Variants in PRCD observed in about 807,000 individuals in gnomAD.
PRCD encodes photoreceptor disc component.
In PRCD, 12 loss-of-function variants were observed where a neutral mutation model predicts 10.1. That is an observed-to-expected ratio of 1.18 (90% confidence interval 0.76 to 1.92). The LOEUF (loss-of-function observed/expected upper bound fraction) is 1.92, where lower values mean the gene tolerates loss of function less well. Ranked by LOEUF, PRCD falls within the 40% of genes most tolerant of loss-of-function variation. The pLI is 0.00. For synonymous variants in PRCD, 31 were observed against 26.2 expected (o/e 1.18, Z -0.56); for missense variants, 61 against 72.2 (o/e 0.84, Z 0.56).
At position 76,545,080 on chromosome 17, in the gene PRCD, G is replaced by A. The variant is rs1567913965; in HGVS notation, c.*1430G>A. On this transcript the variant is annotated 3_prime_UTR_variant, in exon 5 of 5. Coordinates refer to ENST00000592014, the MANE Select transcript of PRCD (RefSeq NM_001077620.3). ...CGGGTGGGGGGGCTGTCTCCCCCAG[G>A]GAGCAGGCTGGCTTTGGTGGGAGCA... 2.2e-6 allele frequency: 1 copy of A among 453,386 alleles called. No homozygotes were observed. Among genetic ancestry groups the A allele is most frequent in the Non-Finnish European group, 4.4e-6 (1 of 225,126 alleles). The allele number at this position is 453,386 out of a possible 1,614,324, so 28.1% of individuals were successfully genotyped here.
At position 76,540,250 on chromosome 17, in the gene PRCD, TC is replaced by T. The variant is rs8176326; in HGVS notation, c.74+36del. The T allele has an allele frequency of 0.099, 43,778 of 443,892 alleles. 4,925 individuals are homozygous for T. The highest frequency in any genetic ancestry group is 0.25 in the African/African-American group (5,234 of 21,086). 27.5% of individuals were successfully genotyped at this position (443,892 alleles called of 1,614,324 possible). On this transcript the variant is annotated intron_variant, in intron 1 of 4. Transcript: ENST00000592014. The surrounding 1 kb of genome is among the most constrained non-coding windows in gnomAD (Gnocchi z 5.0). Reference sequence around the variant, plus strand: ...TGACCGGGCTATGGCTGGCGGTTGGTCGGGGGGGGGGGGCATGGGGCTGGGC... The same window carrying T: ...TGACCGGGCTATGGCTGGCGGTTGGTGGGGGGGGGGGGCATGGGGCTGGGC...
In PRCD at chr17:76,530,445, C is replaced by T. The variant is rs545905226; in HGVS notation, n.45+2612C>T. Reference sequence around the variant, plus strand: ...ATGCCCCTGCTCGTGTGCGTGTGAGCGACACCCATGTAGCTTCCTCGTGGG... The same window carrying T: ...ATGCCCCTGCTCGTGTGCGTGTGAGTGACACCCATGTAGCTTCCTCGTGGG... On this transcript the variant is annotated intron_variant and non_coding_transcript_variant, in intron 1 of 4. Coordinates refer to the PRCD transcript ENST00000397633. The surrounding 1 kb of genome is among the most constrained non-coding windows in gnomAD (Gnocchi z 6.1). Among the ~76,000 whole-genome samples, 36 of 152,264 alleles carry T rather than the reference C, an allele frequency of 2.4e-4. No individual in the cohort carries two copies. The highest frequency in any genetic ancestry group is 6.2e-4 in the South Asian group (3 of 4,822).
Position 76,540,371 on chromosome 17 carries a change from C to A in PRCD, c.75-134C>A. On this transcript the variant is annotated intron_variant, in intron 1 of 4. Coordinates refer to ENST00000592014, the MANE Select transcript of PRCD (RefSeq NM_001077620.3). This position sits in a 1 kb window ranked among gnomAD's most constrained non-coding sequence, Gnocchi z 5.0. ...CCCTTGAGAGAGCACAGTCTCAGAG[C>A]AGGGGGACTTAGAGCTTCAAAGGCT... The A allele has an allele frequency of 7.8e-7, 1 of 1,288,928 alleles. No individual in the cohort carries two copies. Among genetic ancestry groups the A allele is most frequent in the Non-Finnish European group, 1.1e-6 (1 of 894,002 alleles). 79.8% of individuals were successfully genotyped at this position (1,288,928 alleles called of 1,614,324 possible).
At chr17:76,547,740 TACAC>T (rs1266543067), downstream of PRCD, among the ~76,000 whole-genome samples, 3 of 135,782 alleles carry the variant, frequency 2.2e-5, no homozygotes, top group African/African-American at 5.7e-5. Context: ...CACACACACA[TACAC>T]AAACACAGTC....
chr17:76,549,229 G>C (rs916035526), downstream of PRCD, among the ~76,000 whole-genome samples: 1 of 152,178 alleles, frequency 6.6e-6, no homozygotes, highest in Middle Eastern at 3.2e-3. Flanking sequence ...AATACATAAA[G>C]AACTTTTACA....
At chr17:76,532,012 G>A (rs181325442) in intron 1 of PRCD, 8 of 246,338 alleles carry the variant, frequency 3.2e-5, no homozygotes, top group East Asian at 7.9e-5. Flanking sequence ...AGTCATAGCC[G>A]AGAGGGTAAG....
At position 76,530,856 on chromosome 17, in the gene PRCD, G is replaced by T; in HGVS notation, n.45+3023G>T. On this transcript the variant is annotated intron_variant and non_coding_transcript_variant, in intron 1 of 4. Coordinates refer to the PRCD transcript ENST00000397633. This position sits in a 1 kb window ranked among gnomAD's most constrained non-coding sequence, Gnocchi z 6.1. Reference sequence around the variant, plus strand: ...TCTTACATGTCAGACCCCAGGGTTGGCCTGCCTCAAGTGTGCCTGCCCAGG... The same window carrying T: ...TCTTACATGTCAGACCCCAGGGTTGTCCTGCCTCAAGTGTGCCTGCCCAGG... 2 of 1,129,448 alleles carry T rather than the reference G, an allele frequency of 1.8e-6. No homozygotes were observed. Among genetic ancestry groups the T allele is most frequent in the Non-Finnish European group, 2.5e-6 (2 of 813,998 alleles). The allele number at this position is 1,129,448 out of a possible 1,614,324, so 70.0% of individuals were successfully genotyped here.
At chr17:76,551,218 G>A (rs1177834646) in intron 1 of PRCD, 1 of 152,190 alleles carries the variant, frequency 6.6e-6, no homozygotes, top group East Asian at 1.9e-4. Flanking sequence ...CAAGGCAACA[G>A]GAACAAACAC....
intron 1 of PRCD, chr17:76,529,518 G>T (rs372547275): frequency 2.0e-6 from 2 of 985,438 alleles, no homozygotes; most frequent in Non-Finnish European, 2.4e-6. Context: ...TGGGGCTCGC[G>T]CCCAGCCAGC....
intron 1 of PRCD, chr17:76,529,123 ACCCCTGCTT>A: frequency 1.0e-6 from 1 of 958,518 alleles, no homozygotes; most frequent in Non-Finnish European, 1.2e-6. Flanking sequence ...CGCCTGGCCC[ACCCCTGCTT>A]CCCTGATAAG....
chr17:76,530,920 G>A lies in PRCD; in HGVS notation n.45+3087G>A, dbSNP rs1336465451. 1.5e-5 allele frequency: 22 copies of A among 1,500,480 alleles called. No individual in the cohort carries two copies. The highest frequency in any genetic ancestry group is 8.4e-5 in the African/African-American group (6 of 71,380). 92.9% of individuals were successfully genotyped at this position (1,500,480 alleles called of 1,614,324 possible). On this transcript the variant is annotated intron_variant and non_coding_transcript_variant, in intron 1 of 4. Transcript: ENST00000397633. This position sits in a 1 kb window ranked among gnomAD's most constrained non-coding sequence, Gnocchi z 6.1. Reference sequence around the variant, plus strand: ...GGCCTCAGGAGATATGGGAGACCTCGGGGACAGCAGAGGACATGGCGGGGA... The same window carrying A: ...GGCCTCAGGAGATATGGGAGACCTCAGGGACAGCAGAGGACATGGCGGGGA...
rs201363694 is a variant in PRCD at position 76,540,197 on chromosome 17, T to C, written c.56T>C (p.Phe19Ser). 1 of 1,545,306 alleles carries C rather than the reference T, an allele frequency of 6.5e-7. No homozygotes were observed. Among genetic ancestry groups the C allele is most frequent in the African/African-American group, 1.4e-5 (1 of 72,358 alleles). ...CTGGCCATGCTCTGGCGCCGCCGAT[T>C]TGCCAACCGAGTCCAACCGTGAGAA... ...STLAMLWRRRFANRVQPEPSD... is the reference protein window; with the variant it reads ...STLAMLWRRRSANRVQPEPSD... The change falls in exon 1 of 5, where the codon TTT (phenylalanine) becomes TCT (serine). Residue 19 changes from phenylalanine to serine, a missense_variant. Physicochemically the swap from Phe to Ser is radical, Grantham distance 155 (BLOSUM62 -2). Transcript: ENST00000592014. The surrounding 1 kb of genome is among the most constrained non-coding windows in gnomAD (Gnocchi z 5.0).
At chr17:76,551,477 A>T (rs536728400) in intron 1 of PRCD, 1 of 152,222 alleles carries the variant, frequency 6.6e-6, no homozygotes, top group Non-Finnish European at 1.5e-5. Flanking sequence ...CACAACTCCA[A>T]CGCCATCTAT....
chr17:76,540,334 C>T lies in PRCD; in HGVS notation c.74+119C>T, dbSNP rs935563092. ...TGAACCTTCAGCGGGGCTGGGAGGGCATTTTGAGGAACCCTTGAGAGAGCA... is the reference window on the plus strand; with the variant it reads ...TGAACCTTCAGCGGGGCTGGGAGGGTATTTTGAGGAACCCTTGAGAGAGCA... On this transcript the variant is annotated intron_variant, in intron 1 of 4. Coordinates refer to ENST00000592014, the MANE Select transcript of PRCD (RefSeq NM_001077620.3). This position sits in a 1 kb window ranked among gnomAD's most constrained non-coding sequence, Gnocchi z 5.0. 2 of 1,319,900 alleles carry T rather than the reference C, an allele frequency of 1.5e-6. No individual in the cohort carries two copies. The highest frequency in any genetic ancestry group is 2.5e-5 in the South Asian group (2 of 80,332). The allele number at this position is 1,319,900 out of a possible 1,614,324, so 81.8% of individuals were successfully genotyped here.
At position 76,528,752 on chromosome 17, in the gene PRCD, G is replaced by T; in HGVS notation, n.45+919G>T. On this transcript the variant is annotated intron_variant and non_coding_transcript_variant, in intron 1 of 4. Coordinates refer to the PRCD transcript ENST00000397633. The surrounding 1 kb of genome is among the most constrained non-coding windows in gnomAD (Gnocchi z 5.8). ...ACAGTGCAGTTGAAAGCAACCGTGA[G>T]ACCCAAGTTCTAGTCTCCGTCCTGC... is the stretch of plus-strand genomic sequence containing the variant. 2 of 1,031,292 alleles carry T rather than the reference G, an allele frequency of 1.9e-6. No individual in the cohort carries two copies. Among genetic ancestry groups the T allele is most frequent in the Non-Finnish European group, 2.5e-6 (2 of 795,130 alleles). The allele number at this position is 1,031,292 out of a possible 1,614,324, so 63.9% of individuals were successfully genotyped here. A position where few individuals can be genotyped will look rare whatever the true frequency, so the allele number is the denominator to read the frequency against.
At chr17:76,527,650 T>C (rs1252041201), upstream of PRCD, 1 of 453,810 alleles carries the variant, frequency 2.2e-6, no homozygotes, top group Non-Finnish European at 4.4e-6. Context: ...CCCTCGGAGC[T>C]GAGGGTGAGA....
chr17:76,528,985 G>A lies in PRCD; in HGVS notation n.45+1152G>A, dbSNP rs567395786. 44 of 1,015,698 alleles carry A rather than the reference G, an allele frequency of 4.3e-5. No individual in the cohort carries two copies. The highest frequency in any genetic ancestry group is 4.8e-5 in the Non-Finnish European group (41 of 850,486). The allele number at this position is 1,015,698 out of a possible 1,614,324, so 62.9% of individuals were successfully genotyped here. A position where few individuals can be genotyped will look rare whatever the true frequency, so the allele number is the denominator to read the frequency against. ...TGTCCGGCCTGTCTCGTCCCTCCTC[G>A]GGCCACCCATCTGTATTCTCGTATT... On this transcript the variant is annotated intron_variant and non_coding_transcript_variant, in intron 1 of 4. Transcript: ENST00000397633. The surrounding 1 kb of genome is among the most constrained non-coding windows in gnomAD (Gnocchi z 5.8).
In PRCD at chr17:76,528,520, T is replaced by C; in HGVS notation, n.45+687T>C. 1 of 1,264,322 alleles carries C rather than the reference T, an allele frequency of 7.9e-7. No individual in the cohort carries two copies. The highest frequency in any genetic ancestry group is 1.0e-6 in the Non-Finnish European group (1 of 987,342). The allele number at this position is 1,264,322 out of a possible 1,614,324, so 78.3% of individuals were successfully genotyped here. A position where few individuals can be genotyped will look rare whatever the true frequency, so the allele number is the denominator to read the frequency against. On this transcript the variant is annotated intron_variant and non_coding_transcript_variant, in intron 1 of 4. Transcript: ENST00000397633. This position sits in a 1 kb window ranked among gnomAD's most constrained non-coding sequence, Gnocchi z 5.8. ...CAGAAATGGAGCGTCAAGGAGGGTCTTCAGAACTCGGCCTTCTGCTCGAGG... is the reference window on the plus strand; with the variant it reads ...CAGAAATGGAGCGTCAAGGAGGGTCCTCAGAACTCGGCCTTCTGCTCGAGG...
In PRCD at chr17:76,530,255, C is replaced by T. The variant is rs1044647128; in HGVS notation, n.45+2422C>T. Among the ~76,000 whole-genome samples the T allele has an allele frequency of 3.3e-5, 5 of 152,144 alleles. No individual in the cohort carries two copies. Among genetic ancestry groups the T allele is most frequent in the African/African-American group, 1.2e-4 (5 of 41,428 alleles). On this transcript the variant is annotated intron_variant and non_coding_transcript_variant, in intron 1 of 4. Transcript: ENST00000397633. This position sits in a 1 kb window ranked among gnomAD's most constrained non-coding sequence, Gnocchi z 6.1. ...ATTCAGCTCCCAGAGTCAGCCTCCC[C>T]TTGGGGGCCCAGGGAGGCCGAGTGT...
Sources: gnomAD v4.1 joint callset for allele counts (sites outside exome capture counted in the v4.1 genomes callset) on GRCh38, gnomAD v4.1.1 for gene constraint, Gnocchi (gnomAD v3.1) non-coding constraint, MANE v1.5 for transcripts, NCBI Gene and HGNC (gene_info 2026-07-23, HGNC 2026-07-21) for gene names.